Variants in B4GALNT2 observed in about 807,000 individuals in gnomAD.
B4GALNT2 encodes beta-1,4-N-acetyl-galactosaminyltransferase 2 (SID blood group).
Under a neutral mutation model 51.1 loss-of-function variants are expected in B4GALNT2, and 42 were observed. That is an observed-to-expected ratio of 0.82 (90% CI 0.64 to 1.06). B4GALNT2 has a LOEUF of 1.06. B4GALNT2 is among the 50% of genes least tolerant of loss of function. B4GALNT2 has a pLI of 0.00. For missense variants in B4GALNT2, 602 were observed against 633.6 expected (o/e 0.95, Z 0.54); for synonymous variants, 253 against 251.7 (o/e 1.01, Z -0.05).
chr17:49,124,050 T>C, the B4GALNT2 span, among the ~76,000 whole-genome samples: 3 of 152,252 alleles, frequency 2.0e-5, no homozygotes, highest in East Asian at 5.8e-4. Flanking sequence ...GAGAAACAAG[T>C]ATGCTCCAAA....
chr17:49,147,966 T>TTA (rs140831657), intron 3 of B4GALNT2, among the ~76,000 whole-genome samples: 10,033 of 147,518 alleles, frequency 0.068, 501 homozygotes, highest in African/African-American at 0.13. Flanking sequence ...TTTTATTCAA[T>TTA]TATATATATA....
At chr17:49,133,930 A>C (rs927970227) in intron 1 of B4GALNT2, among the ~76,000 whole-genome samples, 3 of 151,626 alleles carry the variant, frequency 2.0e-5, no homozygotes, top group Non-Finnish European at 2.9e-5. Flanking sequence ...ACAAACAAAC[A>C]AAACAAACAA....
intron 4 of B4GALNT2, among the ~76,000 whole-genome samples, chr17:49,154,642 C>G (rs949603666): frequency 3.9e-5 from 6 of 151,942 alleles, no homozygotes; most frequent in African/African-American, 1.2e-4. Context: ...CAGCCGAGCT[C>G]TCTCCAGGTC....
At position 49,141,414 on chromosome 17, in the gene B4GALNT2, G is replaced by A. The variant is rs765775372; in HGVS notation, c.182G>A (p.Arg61His). 46 of 1,614,044 alleles carry A rather than the reference G, an allele frequency of 2.8e-5. No homozygotes were observed. Among genetic ancestry groups the A allele is most frequent in the South Asian group, 1.1e-4 (10 of 91,088 alleles). Residue 61 changes from arginine (R) to histidine (H), a missense_variant, in exon 2 of 11, where the codon CGT (arginine) becomes CAT (histidine). Transcript: ENST00000393354. Reference sequence around the variant, plus strand: ...AAGCTGAAGCTTCTGCCTGAGGAACGTCTCAGGAACCTCTTTTCCTACGAT... The same window carrying A: ...AAGCTGAAGCTTCTGCCTGAGGAACATCTCAGGAACCTCTTTTCCTACGAT... ...VQKLKLLPEE[R>H]LRNLFSYDGI...
chr17:49,146,544 C>A (rs2042696690), intron 3 of B4GALNT2, among the ~76,000 whole-genome samples: 1 of 152,206 alleles, frequency 6.6e-6, no homozygotes, highest in South Asian at 2.1e-4. Flanking sequence ...CTCCTAGCCT[C>A]AAGTGATCCA....
chr17:49,168,797 C>T lies in B4GALNT2; in HGVS notation c.1212C>T (p.Pro404=). The T allele has an allele frequency of 6.2e-7, 1 of 1,614,104 alleles. No individual in the cohort carries two copies. Among genetic ancestry groups the T allele is most frequent in the Non-Finnish European group, 8.5e-7 (1 of 1,180,030 alleles). The change falls in exon 10 of 11, where the codon CCC becomes CCT. Residue 404 remains proline, a synonymous_variant. Transcript: ENST00000393354. ...MGFFQPLDGF[P]SCVVTSGVVN... Reference sequence around the variant, plus strand: ...TTTTCCAACCCCTGGATGGCTTCCCCAGCTGCGTGGTGACCAGTGGCGTGG... The same window carrying T: ...TTTTCCAACCCCTGGATGGCTTCCCTAGCTGCGTGGTGACCAGTGGCGTGG...
At chr17:49,137,453 C>T (rs919612432) in intron 1 of B4GALNT2, among the ~76,000 whole-genome samples, 1 of 152,146 alleles carries the variant, frequency 6.6e-6, no homozygotes, top group African/African-American at 2.4e-5. Context: ...CCACCTTCCA[C>T]CATGGGATGA....
rs1377085423 is a variant in B4GALNT2, at chr17:49,153,006, C to G, written c.460+100C>G. 4 of 1,071,698 alleles carry G rather than the reference C, an allele frequency of 3.7e-6. No individual in the cohort carries two copies. The African/African-American group carries it at 6.3e-5, about 17-fold the overall frequency. The allele number at this position is 1,071,698 out of a possible 1,614,324, so 66.4% of individuals were successfully genotyped here. ...GTGCAGTGGCTCATGCCTGTAATTC[C>G]AGCACTTTGGGAGTCCAAAGCAGGA... On this transcript the variant is annotated intron_variant, in intron 4 of 10. Coordinates refer to ENST00000393354, the MANE Select transcript of B4GALNT2 (RefSeq NM_001159387.2).
Position 49,168,727 on chromosome 17 carries a change from T to A in B4GALNT2, c.1142T>A (p.Leu381Gln), listed in dbSNP as rs2042933096. 1 of 1,614,128 alleles carries A rather than the reference T, an allele frequency of 6.2e-7. No individual in the cohort carries two copies. The highest frequency in any genetic ancestry group is 1.3e-5 in the African/African-American group (1 of 75,044). Residue 381 changes from leucine (L) to glutamine (Q), a missense_variant, in exon 10 of 11, where the codon CTG (leucine) becomes CAG (glutamine). Physicochemically the swap from Leu to Gln is moderately radical, Grantham distance 113 (BLOSUM62 -2). Transcript: ENST00000393354. ...LGNVFQFKLL[L>Q]EQSENGACLH... The stretch of plus-strand genomic sequence containing the variant: ...AATGTGTTCCAGTTTAAGTTGTTGC[T>A]GGAACAGAGTGAGAATGGGGCCTGC...
chr17:49,162,343 A>G (rs1022847093), intron 7 of B4GALNT2, among the ~76,000 whole-genome samples: 1 of 152,208 alleles, frequency 6.6e-6, no homozygotes, highest in Non-Finnish European at 1.5e-5. Context: ...ACTTTTAGCC[A>G]TTAAAATATA....
At chr17:49,143,302 AAAAAAAC>A (rs2042663042) in intron 3 of B4GALNT2, among the ~76,000 whole-genome samples, 2 of 46,570 alleles carry the variant, frequency 4.3e-5, no homozygotes, top group Admixed American at 5.5e-4. Context: ...CAACAAAAAC[AAAAAAAC>A]AAAAAACAAG....
rs2042959971 is a variant in B4GALNT2, at chr17:49,171,904, T to C, written c.*2176T>C. On this transcript the variant is annotated 3_prime_UTR_variant, in exon 11 of 11. Transcript: ENST00000393354. ...CTCAATTATAGGAGCAGATTTATTA[T>C]GGTAAATATTAAGAGCAGAAAGCAT... 2 of 310,734 alleles carry C rather than the reference T, an allele frequency of 6.4e-6. No individual in the cohort carries two copies. The highest frequency in any genetic ancestry group is 5.6e-5 in the South Asian group (2 of 35,900). 19.2% of individuals were successfully genotyped at this position (310,734 alleles called of 1,614,324 possible). A position where few individuals can be genotyped will look rare whatever the true frequency, so the allele number is the denominator to read the frequency against.
rs753893540 is a variant in B4GALNT2, at chr17:49,133,033, G to A, written c.14+227G>A. The A allele has an allele frequency of 4.0e-6, 6 of 1,492,786 alleles. No individual in the cohort carries two copies. The highest frequency in any genetic ancestry group is 1.8e-6 in the Non-Finnish European group (2 of 1,128,334). The allele number at this position is 1,492,786 out of a possible 1,614,324, so 92.5% of individuals were successfully genotyped here. A position where few individuals can be genotyped will look rare whatever the true frequency, so the allele number is the denominator to read the frequency against. ...AACTCTGCACCCCCAGGAATGGGGA[G>A]CGCTGGCTTTTCCGTGGGAAAATTC... is the stretch of plus-strand genomic sequence containing the variant. On this transcript the variant is annotated intron_variant, in intron 1 of 10. Coordinates refer to ENST00000393354, the MANE Select transcript of B4GALNT2 (RefSeq NM_001159387.2).
upstream of B4GALNT2, among the ~76,000 whole-genome samples, chr17:49,128,156 T>C (rs892337175): frequency 3.3e-5 from 5 of 152,232 alleles, no homozygotes; most frequent in Middle Eastern, 3.4e-3. Context: ...AGAGGGATTT[T>C]CATAGAAAGA....
rs149412440 is a variant in B4GALNT2, at chr17:49,142,116, C to T, written c.297C>T (p.Ser99=). Residue 99 remains serine, a synonymous_variant, in exon 3 of 11, where the codon AGC becomes AGT. Coordinates refer to ENST00000393354, the MANE Select transcript of B4GALNT2 (RefSeq NM_001159387.2). ...ACTTTCAGGATGCCTATGGCCAGAGCGACCTCCCAGCGGTGAAAGCGAGGA... is the reference window on the plus strand; with the variant it reads ...ACTTTCAGGATGCCTATGGCCAGAGTGACCTCCCAGCGGTGAAAGCGAGGA... The part of the protein sequence containing the change: ...GYNFQDAYGQ[S]DLPAVKARRQ... The T allele has an allele frequency of 3.4e-5, 55 of 1,613,932 alleles. No homozygotes were observed. The highest frequency in any genetic ancestry group is 5.5e-5 in the South Asian group (5 of 91,074).
upstream of B4GALNT2, among the ~76,000 whole-genome samples, chr17:49,131,512 C>CTTT (rs2042539066): frequency 1.3e-4 from 19 of 142,236 alleles, no homozygotes; most frequent in African/African-American, 2.6e-4. Flanking sequence ...TCTTTTTTTC[C>CTTT]CTTTTTTTGA....
intron 3 of B4GALNT2, among the ~76,000 whole-genome samples, chr17:49,144,881 A>G (rs1421709323): frequency 6.6e-6 from 1 of 152,220 alleles, no homozygotes; most frequent in Non-Finnish European, 1.5e-5. Context: ...AGCCAGTCCA[A>G]GTTCCAAAAC....
intron 3 of B4GALNT2, among the ~76,000 whole-genome samples, chr17:49,144,163 C>T (rs1189874277): frequency 1.3e-5 from 2 of 152,018 alleles, no homozygotes; most frequent in Non-Finnish European, 2.9e-5. Context: ...AAAACAACAA[C>T]AACAATAACA....
chr17:49,122,172 G>A, the B4GALNT2 span, among the ~76,000 whole-genome samples: 11 of 152,340 alleles, frequency 7.2e-5, 1 homozygote, highest in South Asian at 2.3e-3. Flanking sequence ...GGTCGGAGAT[G>A]TCATTTGTGG....
Sources: gnomAD v4.1 joint callset for allele counts (sites outside exome capture counted in the v4.1 genomes callset) on GRCh38, gnomAD v4.1.1 for gene constraint, MANE v1.5 for transcripts, NCBI Gene and HGNC (gene_info 2026-07-23, HGNC 2026-07-21) for gene names.